CCDC138: variants seen among roughly 807,000 people sequenced by gnomAD.
CCDC138 encodes coiled-coil domain containing 138, also known as coiled-coil domain-containing protein 138.
In CCDC138, 66 loss-of-function variants were observed where a neutral mutation model predicts 82.3. That is an observed-to-expected ratio of 0.80 (90% CI 0.66 to 0.98). CCDC138 has a LOEUF of 0.98. Ranked by LOEUF, CCDC138 falls within the 50% of genes least tolerant of loss-of-function variation. CCDC138 has a pLI of 0.00. For missense variants in CCDC138, 816 were observed against 758.9 expected (o/e 1.08, Z -0.88); for synonymous variants, 297 against 265.4 (o/e 1.12, Z -1.16).
At chr2:108,832,984 A>T (rs1043252766) in intron 10 of CCDC138, among the ~76,000 whole-genome samples, 8 of 152,234 alleles carry the variant, frequency 5.3e-5, no homozygotes, top group African/African-American at 1.9e-4. Flanking sequence ...GAGACACCTT[A>T]AATGCACATT....
intron 2 of CCDC138, 58 bp downstream of exon 2, chr2:108,788,147 G>T: frequency 6.4e-7 from 1 of 1,556,012 alleles, no homozygotes; most frequent in Non-Finnish European, 8.7e-7. Context: ...GGCTGGGCGC[G>T]GTGGCTCACG....
downstream of CCDC138, among the ~76,000 whole-genome samples, chr2:108,880,191 T>TA (rs10714990): frequency 8.8e-5 from 13 of 148,032 alleles, no homozygotes; most frequent in African/African-American, 2.8e-4. Flanking sequence ...CAGGGTAACT[T>TA]AAAAAAAAAA....
In CCDC138 at chr2:108,883,812, C is replaced by T. The variant is rs1043034782; in HGVS notation, c.*44+1021C>T. 8 of 152,314 alleles carry T rather than the reference C, an allele frequency of 5.3e-5. No individual in the cohort carries two copies. In the East Asian group the frequency reaches 1.3e-3, roughly 26 times the overall value. 9.4% of individuals were successfully genotyped at this position (152,314 alleles called of 1,614,324 possible). On this transcript the variant is annotated intron_variant, in intron 2 of 2. Coordinates refer to the CCDC138 transcript ENST00000608781. ...CTTGGTTTCCCTAAACCTCACTCCT[C>T]TCTTTGTAAACAGCCCCTTTATAAA...
chr2:108,851,791 A>G (rs1385151012), intron 12 of CCDC138, among the ~76,000 whole-genome samples: 1 of 152,138 alleles, frequency 6.6e-6, no homozygotes, highest in East Asian at 1.9e-4. Context: ...GGCCTAACAC[A>G]CCCAACATCA....
chr2:108,815,821 A>C, intron 9 of CCDC138, 120 bp from the exon 10 acceptor site: 1 of 829,018 alleles, frequency 1.2e-6, no homozygotes, highest in Non-Finnish European at 1.9e-6. Context: ...CTCTGTCCTT[A>C]ACACATTTTA....
chr2:108,793,444 A>G (rs1680285134), intron 4 of CCDC138, among the ~76,000 whole-genome samples: 1 of 152,212 alleles, frequency 6.6e-6, no homozygotes, highest in Admixed American at 6.5e-5. Context: ...ATATCAAGCA[A>G]GAGGAACTCA....
intron 12 of CCDC138, among the ~76,000 whole-genome samples, chr2:108,849,206 A>G (rs1691007349): frequency 6.6e-6 from 1 of 152,214 alleles, no homozygotes; most frequent in Non-Finnish European, 1.5e-5. Flanking sequence ...AAAAAAGAAA[A>G]CAGAACATCA....
chr2:108,863,997 A>C (rs902877219), intron 13 of CCDC138, among the ~76,000 whole-genome samples: 14 of 152,228 alleles, frequency 9.2e-5, no homozygotes, highest in African/African-American at 3.4e-4. Context: ...GACACTGTTA[A>C]CAGAATCTCT....
At chr2:108,874,905 A>G (rs1574337129) in intron 14 of CCDC138, among the ~76,000 whole-genome samples, 2 of 137,250 alleles carry the variant, frequency 1.5e-5, no homozygotes, top group African/African-American at 2.5e-5. Context: ...ATTCTTTTTT[A>G]CTTCTTAATT....
intron 4 of CCDC138, among the ~76,000 whole-genome samples, chr2:108,793,421 A>C (rs1335344080): frequency 6.6e-6 from 1 of 152,216 alleles, no homozygotes; most frequent in African/African-American, 2.4e-5. Flanking sequence ...CTGACAGTAT[A>C]GTGCTGGCAA....
chr2:108,836,287 C>T (rs906586935), intron 10 of CCDC138, among the ~76,000 whole-genome samples: 5 of 152,148 alleles, frequency 3.3e-5, no homozygotes, highest in African/African-American at 1.2e-4. Flanking sequence ...GCTTATTTCA[C>T]TTAGCATAAT....
chr2:108,798,396 C>T (rs751280924), intron 5 of CCDC138, 32 bp from the exon 6 acceptor site: 1 of 1,585,414 alleles, frequency 6.3e-7, no homozygotes, highest in Non-Finnish European at 8.6e-7. Context: ...TGTGACTTTT[C>T]AAGAGCATTA....
chr2:108,852,677 C>A (rs1691707543), intron 12 of CCDC138, among the ~76,000 whole-genome samples: 1 of 152,096 alleles, frequency 6.6e-6, no homozygotes, highest in South Asian at 2.1e-4. Flanking sequence ...CACATGTTCT[C>A]ATTTATAAGT....
chr2:108,809,836 C>T (rs1683498423), intron 7 of CCDC138, among the ~76,000 whole-genome samples: 1 of 152,042 alleles, frequency 6.6e-6, no homozygotes, highest in Non-Finnish European at 1.5e-5. Flanking sequence ...GATGGAGTCT[C>T]ACTCTGTCGC....
chr2:108,853,560 G>A (rs1233444316), intron 12 of CCDC138, among the ~76,000 whole-genome samples: 1 of 148,178 alleles, frequency 6.7e-6, no homozygotes, highest in Admixed American at 6.8e-5. Flanking sequence ...GGGATCTCAC[G>A]CTATCACTCA....
At chr2:108,831,884 C>T (rs1016693251) in intron 10 of CCDC138, among the ~76,000 whole-genome samples, 4 of 151,872 alleles carry the variant, frequency 2.6e-5, no homozygotes, top group African/African-American at 9.7e-5. Context: ...AGGCACTGGC[C>T]ACCATGCCTG....
intron 10 of CCDC138, 75 bp downstream of exon 10, chr2:108,816,180 G>A: frequency 2.8e-6 from 3 of 1,085,038 alleles, no homozygotes; most frequent in Non-Finnish European, 4.1e-6. Context: ...GCCAGGCACA[G>A]TGGCTCACGT....
intron 2 of CCDC138, chr2:108,883,853 G>T (rs2105353155): frequency 6.6e-6 from 1 of 152,318 alleles, no homozygotes; most frequent in South Asian, 2.1e-4. Context: ...CACCTTGAGG[G>T]TGTCATCTGC....
rs2149924021 is a variant in CCDC138, at chr2:108,815,983, A to G, written c.1084A>G (p.Met362Val). 2.5e-6 allele frequency: 4 copies of G among 1,613,578 alleles called. No homozygotes were observed. The highest frequency in any genetic ancestry group is 1.7e-4 in the Middle Eastern group (1 of 6,060). Residue 362 changes from methionine (M) to valine (V), a missense_variant, in exon 10 of 15, where the codon ATG becomes GTG. Met to Val is a conservative substitution (Grantham distance 21). Coordinates refer to ENST00000295124, the MANE Select transcript of CCDC138 (RefSeq NM_144978.3). Reference sequence around the variant, plus strand: ...AGTTTATGAACTTTTAACTGTCTTCATGGACTGGATTTCGGATCATCATCT... The same window carrying G: ...AGTTTATGAACTTTTAACTGTCTTCGTGGACTGGATTTCGGATCATCATCT... ...GQVYELLTVF[M>V]DWISDHHLSK...
Sources: gnomAD v4.1 joint callset for allele counts (sites outside exome capture counted in the v4.1 genomes callset) on GRCh38, gnomAD v4.1.1 for gene constraint, MANE v1.5 for transcripts, NCBI Gene and HGNC (gene_info 2026-07-23, HGNC 2026-07-21) for gene names.